Variants in DENND1B observed in about 807,000 individuals in gnomAD.
DENND1B encodes DENN domain containing 1B.
A neutral mutation model predicts 90.1 loss-of-function variants in DENND1B; 59 were observed. That is an observed-to-expected ratio of 0.65 (90% confidence interval 0.53 to 0.81). The LOEUF (loss-of-function observed/expected upper bound fraction) is 0.81. Among genes scored for constraint, DENND1B ranks in the 40% least tolerant of loss-of-function variants. The pLI is 0.00. For missense variants in DENND1B, 862 were observed against 912.6 expected (o/e 0.94, Z 0.71); for synonymous variants, 337 against 324.6 (o/e 1.04, Z -0.41).
chr1:197,562,255 C>T (rs1256093143), intron 15 of DENND1B, among the ~76,000 whole-genome samples: 1 of 151,880 alleles, frequency 6.6e-6, no homozygotes, highest in Non-Finnish European at 1.5e-5. Context: ...TCCTATTATA[C>T]AATGGATACA....
chr1:197,600,329 T>C (rs948848155), intron 13 of DENND1B, among the ~76,000 whole-genome samples: 1 of 151,854 alleles, frequency 6.6e-6, no homozygotes, highest in Non-Finnish European at 1.5e-5. Context: ...CAAAACTAGG[T>C]TAACTCAGCT....
At chr1:197,693,590 C>T (rs1447110534) in intron 3 of DENND1B, among the ~76,000 whole-genome samples, 1 of 151,508 alleles carries the variant, frequency 6.6e-6, no homozygotes, top group African/African-American at 2.4e-5. Flanking sequence ...ATAAGTAATA[C>T]CATTCATCTG....
intron 15 of DENND1B, among the ~76,000 whole-genome samples, chr1:197,565,736 A>G (rs1034510772): frequency 4.3e-4 from 57 of 132,444 alleles, no homozygotes; most frequent in South Asian, 1.2e-3. Flanking sequence ...GAGAATATGC[A>G]GTGTTTGGTT....
At chr1:197,611,456 G>C (rs1037032897) in intron 12 of DENND1B, among the ~76,000 whole-genome samples, 1 of 150,638 alleles carries the variant, frequency 6.6e-6, no homozygotes, top group African/African-American at 2.4e-5. Context: ...TAAAACTTAA[G>C]GCTATATTCT....
At chr1:197,684,370 C>A (rs149365009) in intron 3 of DENND1B, among the ~76,000 whole-genome samples, 4 of 152,258 alleles carry the variant, frequency 2.6e-5, no homozygotes, top group African/African-American at 9.6e-5. Flanking sequence ...AACCATTATG[C>A]CCCAACCCTA....
chr1:197,615,065 G>A (rs1251440975), intron 11 of DENND1B, among the ~76,000 whole-genome samples: 1 of 150,998 alleles, frequency 6.6e-6, no homozygotes, highest in African/African-American at 2.4e-5. Context: ...CTTATGTGTT[G>A]CCATCCATGG....
chr1:197,656,255 T>G (rs1653811938), intron 6 of DENND1B, among the ~76,000 whole-genome samples: 1 of 151,464 alleles, frequency 6.6e-6, no homozygotes, highest in African/African-American at 2.4e-5. Context: ...AAATTTTAGG[T>G]GTAGATGGAC....
At chr1:197,635,257 C>T (rs1329026778) in intron 10 of DENND1B, among the ~76,000 whole-genome samples, 1 of 152,132 alleles carries the variant, frequency 6.6e-6, no homozygotes, top group Non-Finnish European at 1.5e-5. Context: ...AAAAACTTTT[C>T]TGACACAATT....
chr1:197,538,560 A>G (rs1670085312), intron 20 of DENND1B, among the ~76,000 whole-genome samples: 1 of 152,042 alleles, frequency 6.6e-6, no homozygotes, highest in Non-Finnish European at 1.5e-5. Context: ...AAACAGTCCC[A>G]TGAAAGCAGA....
At chr1:197,538,467 G>A (rs1038491174) in intron 20 of DENND1B, among the ~76,000 whole-genome samples, 1 of 152,070 alleles carries the variant, frequency 6.6e-6, no homozygotes, top group Admixed American at 6.5e-5. Flanking sequence ...CTGACTATCA[G>A]TATGCTACAA....
Position 197,742,727 on chromosome 1 carries a change from A to G in DENND1B, c.83-27653T>C, listed in dbSNP as rs531090882. 2.0e-5 allele frequency among the ~76,000 whole-genome samples: 3 copies of G among 152,338 alleles called. No homozygotes were observed. In the South Asian group the frequency reaches 6.2e-4, roughly 32 times the overall value. The stretch of plus-strand genomic sequence containing the variant: ...ACTACAGTCTTTCTGAGCAGCGGAA[A>G]AAGAGAATAAAGTCTGGAGATGAAG... On this transcript the variant is annotated intron_variant, in intron 2 of 22. Transcript: ENST00000620048.
intron 7 of DENND1B, among the ~76,000 whole-genome samples, chr1:197,650,619 T>G (rs1489009564): frequency 6.6e-6 from 1 of 152,118 alleles, no homozygotes; most frequent in Non-Finnish European, 1.5e-5. Context: ...TCAACCCAAA[T>G]GCCCAGTAAT....
chr1:197,507,938 A>ACTGCTATTT lies in DENND1B; in HGVS notation c.*2521_*2522insAAATAGCAG. ...TTTCTGCCTTTGTTTTTAAAATAGA[A>ACTGCTATTT]TAAAACTGCTAATTTTGCATTAAAA... On this transcript the variant is annotated 3_prime_UTR_variant, in exon 23 of 23. Transcript: ENST00000620048. 1 of 151,660 alleles carries ACTGCTATTT rather than the reference A, an allele frequency of 6.6e-6. No individual in the cohort carries two copies. The highest frequency in any genetic ancestry group is 1.5e-5 in the Non-Finnish European group (1 of 67,740). 9.4% of individuals were successfully genotyped at this position (151,660 alleles called of 1,614,324 possible).
chr1:197,652,489 A>C (rs1481601957), intron 6 of DENND1B, among the ~76,000 whole-genome samples, 174 bp from the exon 7 acceptor site: 1 of 152,198 alleles, frequency 6.6e-6, no homozygotes, highest in African/African-American at 2.4e-5. Flanking sequence ...GTCTAAAAAT[A>C]TGAAAACATA....
At chr1:197,584,042 A>G (rs974397530) in intron 14 of DENND1B, among the ~76,000 whole-genome samples, 12 of 152,214 alleles carry the variant, frequency 7.9e-5, no homozygotes, top group Non-Finnish European at 1.8e-4. Context: ...CAAAAATGAA[A>G]ACACAGATGA....
chr1:197,719,485 A>G (rs1014352169), intron 2 of DENND1B, among the ~76,000 whole-genome samples: 1 of 152,186 alleles, frequency 6.6e-6, no homozygotes, highest in Non-Finnish European at 1.5e-5. Flanking sequence ...GTGCAAAAAT[A>G]TGAGTTTTGT....
At chr1:197,698,632 C>T (rs1658698369) in intron 3 of DENND1B, among the ~76,000 whole-genome samples, 1 of 151,716 alleles carries the variant, frequency 6.6e-6, no homozygotes, top group Non-Finnish European at 1.5e-5. Flanking sequence ...AACCCAGAAG[C>T]TGTTTTTTTC....
intron 15 of DENND1B, among the ~76,000 whole-genome samples, chr1:197,562,709 G>A (rs984939929): frequency 1.3e-5 from 2 of 151,714 alleles, no homozygotes; most frequent in African/African-American, 4.8e-5. Flanking sequence ...GCATCCAAGG[G>A]AAAAAGCTAA....
chr1:197,699,245 G>C (rs1199449471), intron 3 of DENND1B, among the ~76,000 whole-genome samples: 4 of 152,108 alleles, frequency 2.6e-5, no homozygotes, highest in Non-Finnish European at 4.4e-5. Context: ...GGGATGCAAG[G>C]CTGGTTCAAC....
Sources: gnomAD v4.1 joint callset for allele counts (sites outside exome capture counted in the v4.1 genomes callset) on GRCh38, gnomAD v4.1.1 for gene constraint, MANE v1.5 for transcripts, NCBI Gene and HGNC (gene_info 2026-07-23, HGNC 2026-07-21) for gene names.